EPB41L4A: variants seen among roughly 807,000 people sequenced by gnomAD.
The protein encoded by EPB41L4A is band 4.1-like protein 4A.
In EPB41L4A, 100 loss-of-function variants were observed where a neutral mutation model predicts 108.6. The ratio of observed to expected loss-of-function variants is 0.92; its 90% CI spans 0.78 to 1.09. The LOEUF (loss-of-function observed/expected upper bound fraction) is 1.09. Ranked by LOEUF, EPB41L4A falls within the 50% of genes least tolerant of loss-of-function variation. The pLI, the probability that EPB41L4A is intolerant of heterozygous loss-of-function variation, is 0.00. For missense variants in EPB41L4A, 1,030 were observed against 842.7 expected, an observed-to-expected ratio of 1.22 and a Z score of -2.75; for synonymous variants, 319 against 289.0, an observed-to-expected ratio of 1.10 and a Z score of -1.05.
chr5:112,374,997 C>A (rs9885137), intron 1 of EPB41L4A, among the ~76,000 whole-genome samples: 1 of 152,122 alleles, frequency 6.6e-6, no homozygotes, highest in Non-Finnish European at 1.5e-5. Flanking sequence ...TCCAGCTACA[C>A]GTAACAATCA....
chr5:112,168,898 G>A (rs573085210), intron 21 of EPB41L4A, 78 bp from the exon 22 acceptor site: 201 of 1,489,320 alleles, frequency 1.3e-4, no homozygotes, highest in Non-Finnish European at 1.8e-4. Flanking sequence ...GAACTACAGT[G>A]TAGATATAAA....
intron 12 of EPB41L4A, among the ~76,000 whole-genome samples, chr5:112,218,047 A>C (rs1747775356): frequency 6.6e-6 from 1 of 152,068 alleles, no homozygotes. Flanking sequence ...CCCTTCCCCC[A>C]GTGCTACAGA....
rs147441676 is a variant in EPB41L4A at position 112,280,987 on chromosome 5, T to A, written c.205-664A>T. ...CGTCATTAAGGATCCAGGAGAGCAG[T>A]TCAGCACAGTGGCTGAGGGCCTGAA... On this transcript the variant is annotated intron_variant, in intron 2 of 22. Transcript: ENST00000261486. Among the ~76,000 whole-genome samples, 33 of 152,284 alleles carry A rather than the reference T, an allele frequency of 2.2e-4. No homozygotes were observed. In the East Asian group the frequency reaches 5.4e-3, roughly 25 times the overall value.
At chr5:112,290,324 T>G (rs979215816) in intron 2 of EPB41L4A, among the ~76,000 whole-genome samples, 13 of 152,180 alleles carry the variant, frequency 8.5e-5, no homozygotes, top group Non-Finnish European at 1.6e-4. Context: ...CACCAATCAT[T>G]TTTTAAACAT....
chr5:112,333,050 C>T (rs774201932), intron 1 of EPB41L4A, among the ~76,000 whole-genome samples: 1 of 152,114 alleles, frequency 6.6e-6, no homozygotes, highest in Non-Finnish European at 1.5e-5. Flanking sequence ...GTTCCCAATG[C>T]CTCTAAAAAA....
rs561143830 is a variant in EPB41L4A at position 112,346,679 on chromosome 5, C to T, written c.100-39189G>A. ...TAGTTCATAAACAGAAACATGGCAA[C>T]CATAGACCACACTGCAGAAATGTAC... On this transcript the variant is annotated intron_variant, in intron 1 of 22. Transcript: ENST00000261486. Among the ~76,000 whole-genome samples, 9 of 152,266 alleles carry T rather than the reference C, an allele frequency of 5.9e-5. No individual in the cohort carries two copies. The South Asian group carries it at 1.7e-3, about 28-fold the overall frequency.
chr5:112,266,037 T>C (rs549283500), intron 5 of EPB41L4A, among the ~76,000 whole-genome samples, 196 bp downstream of exon 5: 12 of 152,162 alleles, frequency 7.9e-5, no homozygotes, highest in Non-Finnish European at 1.3e-4. Flanking sequence ...CGACCTACCA[T>C]AAGGGATTTG....
intron 1 of EPB41L4A, among the ~76,000 whole-genome samples, chr5:112,359,796 T>A (rs546941976): frequency 1.3e-5 from 2 of 152,280 alleles, no homozygotes; most frequent in South Asian, 4.2e-4. Flanking sequence ...CGCCTTGGCC[T>A]CCCAAAGTGC....
chr5:112,359,702 A>G (rs1389923766), intron 1 of EPB41L4A, among the ~76,000 whole-genome samples: 2 of 151,934 alleles, frequency 1.3e-5, no homozygotes, highest in African/African-American at 4.8e-5. Context: ...CACCACGCCC[A>G]GCTAATTTTT....
chr5:112,239,051 G>A (rs1358918069), intron 11 of EPB41L4A, among the ~76,000 whole-genome samples: 1 of 152,128 alleles, frequency 6.6e-6, no homozygotes, highest in Admixed American at 6.5e-5. Flanking sequence ...TTCCTAGCTG[G>A]ATTACCTGGA....
intron 1 of EPB41L4A, among the ~76,000 whole-genome samples, chr5:112,320,953 C>T (rs1755730688): frequency 6.6e-6 from 1 of 152,148 alleles, no homozygotes; most frequent in Admixed American, 6.6e-5. Context: ...TGAGTTGGCG[C>T]CCCCACTGTG....
chr5:112,321,247 T>A (rs1755757843), intron 1 of EPB41L4A, among the ~76,000 whole-genome samples: 2 of 152,128 alleles, frequency 1.3e-5, no homozygotes, highest in Admixed American at 1.3e-4. Flanking sequence ...GGGGTTGGGG[T>A]AGAAGTGAAA....
At chr5:112,289,217 C>T (rs547779038) in intron 2 of EPB41L4A, among the ~76,000 whole-genome samples, 2 of 152,096 alleles carry the variant, frequency 1.3e-5, no homozygotes, top group South Asian at 2.1e-4. Flanking sequence ...TAAAGAGTCT[C>T]GTATGCATAA....
At chr5:112,267,321 A>C (rs1267590345) in intron 4 of EPB41L4A, among the ~76,000 whole-genome samples, 1 of 152,240 alleles carries the variant, frequency 6.6e-6, no homozygotes, top group Non-Finnish European at 1.5e-5. Context: ...GAAATGAACT[A>C]TAATAATCAG....
intron 2 of EPB41L4A, among the ~76,000 whole-genome samples, chr5:112,297,379 C>T (rs994793904): frequency 6.6e-5 from 10 of 152,004 alleles, no homozygotes; most frequent in African/African-American, 1.9e-4. Flanking sequence ...ATGTGCATTT[C>T]CCTGATCATT....
chr5:112,176,460 T>TC (rs992272289), intron 18 of EPB41L4A, among the ~76,000 whole-genome samples: 11 of 151,840 alleles, frequency 7.2e-5, no homozygotes, highest in African/African-American at 2.7e-4. Flanking sequence ...CTTGATTCTC[T>TC]CCCCCCCAAA....
Position 112,248,108 on chromosome 5 carries a change from C to T in EPB41L4A, c.796-7298G>A, listed in dbSNP as rs559226208. Among the ~76,000 whole-genome samples the T allele has an allele frequency of 3.4e-4, 52 of 152,304 alleles. 1 individual carries two copies. Among genetic ancestry groups the T allele is most frequent in the African/African-American group, 1.2e-3 (51 of 41,572 alleles). ...TATAGTGAGCTTTAGGACAAGCTGC[C>T]TATTTTTTATCCTGTTCCTGGCAGA... On this transcript the variant is annotated intron_variant, in intron 9 of 22. Coordinates refer to ENST00000261486, the MANE Select transcript of EPB41L4A (RefSeq NM_022140.5).
intron 1 of EPB41L4A, among the ~76,000 whole-genome samples, chr5:112,346,334 T>C (rs1757674865): frequency 6.8e-6 from 1 of 146,538 alleles, no homozygotes; most frequent in Non-Finnish European, 1.5e-5. Context: ...CAAGCGATTC[T>C]CCTGCCTCAG....
At position 112,270,370 on chromosome 5, in the gene EPB41L4A, T is replaced by A. The variant is rs139436628; in HGVS notation, c.336-4040A>T. Reference sequence around the variant, plus strand: ...ATAAGGAGTGTGATCGTTACCTTCATCCCACAAAGAGCAGGAACACAGCAT... The same window carrying A: ...ATAAGGAGTGTGATCGTTACCTTCAACCCACAAAGAGCAGGAACACAGCAT... On this transcript the variant is annotated intron_variant, in intron 4 of 22. Transcript: ENST00000261486. Among the ~76,000 whole-genome samples the A allele has an allele frequency of 4.6e-3, 697 of 152,212 alleles. 8 individuals are homozygous for A. Among genetic ancestry groups the A allele is most frequent in the South Asian group, 0.017 (80 of 4,828 alleles).
Sources: gnomAD v4.1 joint callset for allele counts (sites outside exome capture counted in the v4.1 genomes callset) on GRCh38, gnomAD v4.1.1 for gene constraint, MANE v1.5 for transcripts, NCBI Gene and HGNC (gene_info 2026-07-23, HGNC 2026-07-21) for gene names.